The following TTN variants were observed in gnomAD, a reference collection of about 807,000 sequenced individuals.
The protein encoded by TTN is connectin.
TTN carries 1,525 observed loss-of-function variants against 3,223.0 expected under a neutral mutation model. The ratio of observed to expected loss-of-function variants is 0.47; its 90% confidence interval spans 0.45 to 0.49. TTN has a LOEUF of 0.49. Ranked by LOEUF, TTN falls within the 20% of genes least tolerant of loss-of-function variation. The pLI, the probability that TTN is intolerant of heterozygous loss-of-function variation, is 0.00. For missense variants in TTN, 40,786 were observed against 43,424.0 expected (o/e 0.94, Z 5.40); for synonymous variants, 14,094 against 15,161.0 (o/e 0.93, Z 5.17).
At chr2:178,786,239 C>G (rs191470377) in intron 13 of TTN, 98 bp from the exon 14 acceptor site, 5 of 1,280,016 alleles carry the variant, frequency 3.9e-6, no homozygotes, top group Non-Finnish European at 4.4e-6. Flanking sequence ...CCACATTATA[C>G]AGCAGTGTTA....
intron 307 of TTN, 113 bp downstream of exon 307, chr2:178,587,005 T>A: frequency 7.0e-7 from 1 of 1,427,350 alleles, no homozygotes; most frequent in Non-Finnish European, 9.7e-7. Context: ...TTACACTATT[T>A]CGGTCTCTAC....
chr2:178,712,158 TAG>T lies in TTN; in HGVS notation c.27670_27671del (p.Leu9224ThrfsTer9). 1 of 1,613,796 alleles carries T rather than the reference TAG, an allele frequency of 6.2e-7. No individual in the cohort carries two copies. The highest frequency in any genetic ancestry group is 1.7e-4 in the Middle Eastern group (1 of 6,060). ...CAGGGGTTCCAGCAAGCTGGCATTGTAGAGAGGCAGAATCTCCAACAGACACC... is the reference window on the plus strand; with the variant it reads ...CAGGGGTTCCAGCAAGCTGGCATTGTAGAGGCAGAATCTCCAACAGACACC... ...VKVSVGDSAS[L>X]QCQLAGTPEI... On this transcript the variant is annotated frameshift_variant, in exon 96 of 363. Coordinates refer to ENST00000589042, the MANE Select transcript of TTN (RefSeq NM_001267550.2). LOFTEE classifies it high-confidence loss of function.
chr2:178,651,158 G>T (rs762661430), intron 208 of TTN, 85 bp downstream of exon 208: 5 of 1,109,598 alleles, frequency 4.5e-6, no homozygotes, highest in East Asian at 4.8e-5. Flanking sequence ...AATTTAAGAG[G>T]ACTCGCAAAC....
Position 178,614,391 on chromosome 2 carries a change from A to AT in TTN, c.49049-44dup, listed in dbSNP as rs200669885. The AT allele has an allele frequency of 0.026, 40,514 of 1,577,176 alleles. 725 individuals are homozygous for AT. Among genetic ancestry groups the AT allele is most frequent in the East Asian group, 0.093 (4,125 of 44,322 alleles). ...GATGCAGAAAAAAAAATTGTTCACC[A>AT]TTTTTTTTATTTTTTTCTTTCAAGA... On this transcript the variant is annotated intron_variant, in intron 261 of 362. Transcript: ENST00000589042.
chr2:178,718,351 T>C lies in TTN; in HGVS notation c.24755A>G (p.Asp8252Gly), dbSNP rs762054067. 6.2e-7 allele frequency: 1 copy of C among 1,613,696 alleles called. No individual in the cohort carries two copies. Among genetic ancestry groups the C allele is most frequent in the East Asian group, 2.2e-5 (1 of 44,860 alleles). Residue 8252 changes from aspartate to glycine, a missense_variant, in exon 85 of 363, where the codon GAT becomes GGT. By Grantham distance (94) the Asp-to-Gly change is moderately conservative. Transcript: ENST00000589042. The part of the protein sequence containing the change: ...SCLIENEAGQ[D>G]ICEALVSVLE... ...GACAGACACCAGAGCTTCACAGATA[T>C]CTTGACCAGCCTCATTTTCTATCAG...
In TTN at chr2:178,585,068, T is replaced by C; in HGVS notation, c.64672+4A>G. ...GATGGCCATTTGTCTAATACTTAACTTACCCATGACTACAACTTTGATTTT... is the reference window on the plus strand; with the variant it reads ...GATGGCCATTTGTCTAATACTTAACCTACCCATGACTACAACTTTGATTTT... On this transcript the variant is annotated splice_donor_region_variant and intron_variant, in intron 309 of 362. Transcript: ENST00000589042. 6.2e-7 allele frequency: 1 copy of C among 1,605,312 alleles called. No homozygotes were observed. Among genetic ancestry groups the C allele is most frequent in the South Asian group, 1.1e-5 (1 of 89,338 alleles).
rs147812158 is a variant in TTN at position 178,804,576 on chromosome 2, C to T, written c.67G>A (p.Ala23Thr). Residue 23 changes from alanine to threonine, a missense_variant, in exon 2 of 363, where the codon GCA becomes ACA. Transcript: ENST00000589042. ...QSVVVLEGST[A>T]TFEAHISGFP... ...CCACTAATGTGAGCCTCAAAGGTTGCGGTACTACCCTCCAGTACCACAACG... is the reference window on the plus strand; with the variant it reads ...CCACTAATGTGAGCCTCAAAGGTTGTGGTACTACCCTCCAGTACCACAACG... 15 of 1,613,796 alleles carry T rather than the reference C, an allele frequency of 9.3e-6. No individual in the cohort carries two copies. The East Asian group carries it at 1.6e-4, about 17-fold the overall frequency.
At chr2:178,536,654 T>C in intron 356 of TTN, 79 bp from the exon 357 acceptor site, 2 of 1,247,798 alleles carry the variant, frequency 1.6e-6, no homozygotes, top group Non-Finnish European at 2.1e-6. Flanking sequence ...AAAAAGAATG[T>C]TATATGAGTC....
Position 178,566,748 on chromosome 2 carries a change from A to G in TTN, c.79384T>C (p.Ser26462Pro). 6.2e-7 allele frequency: 1 copy of G among 1,613,460 alleles called. No homozygotes were observed. The highest frequency in any genetic ancestry group is 8.5e-7 in the Non-Finnish European group (1 of 1,179,706). Residue 26462 changes from serine to proline, a missense_variant, in exon 326 of 363, where the codon TCT becomes CCT. Ser to Pro is a moderately conservative substitution (Grantham distance 74). Transcript: ENST00000589042. ...TEDHEYEFRV[S>P]AENAAGVGEP... ...CCAACTCCAGCAGCATTTTCTGCAG[A>G]GACCCTGAATTCATACTCATGATCT...
At position 178,734,559 on chromosome 2, in the gene TTN, C is replaced by T; in HGVS notation, c.15265G>A (p.Gly5089Arg). 2 of 1,601,792 alleles carry T rather than the reference C, an allele frequency of 1.2e-6. No individual in the cohort carries two copies. Among genetic ancestry groups the T allele is most frequent in the Non-Finnish European group, 1.7e-6 (2 of 1,172,878 alleles). Residue 5089 changes from glycine (G) to arginine (R), a missense_variant, in exon 52 of 363, where the codon GGA (glycine) becomes AGA (arginine). Gly to Arg is a moderately radical substitution (Grantham distance 125). Coordinates refer to ENST00000589042, the MANE Select transcript of TTN (RefSeq NM_001267550.2). ...TCACACTGAAGTAGAGCATTTGTTC[C>T]TCTCACTATGTCTGCAGGCTCAAGA... is the stretch of plus-strand genomic sequence containing the variant. Reference protein sequence around the residue: ...KTLEPADIVRGTNALLQCEVS... With the variant: ...KTLEPADIVRRTNALLQCEVS...
chr2:178,770,058 A>G lies in TTN; in HGVS notation c.8641+2T>C. On this transcript the variant is annotated splice_donor_variant, in intron 36 of 362. Transcript: ENST00000589042. LOFTEE classifies it high-confidence loss of function. ...GGCTGTAGGGGGCTGCCTGATACTT[A>G]CTCTCCACAAACAGTTTTGCTTTGC... The G allele has an allele frequency of 6.2e-7, 1 of 1,614,074 alleles. No homozygotes were observed. Among genetic ancestry groups the G allele is most frequent in the South Asian group, 1.1e-5 (1 of 91,074 alleles).
intron 115 of TTN, 146 bp downstream of exon 115, chr2:178,695,202 T>C (rs2073416142): frequency 3.3e-6 from 2 of 614,484 alleles, no homozygotes; most frequent in Non-Finnish European, 5.3e-6. Flanking sequence ...TAGATAGAAA[T>C]TTTAAGAAAA....
rs754893239 is a variant in TTN, at chr2:178,548,647, T to A, written c.92979A>T (p.Lys30993Asn). The A allele has an allele frequency of 1.2e-6, 2 of 1,613,894 alleles. No individual in the cohort carries two copies. Among genetic ancestry groups the A allele is most frequent in the East Asian group, 4.5e-5 (2 of 44,878 alleles). Residue 30993 changes from lysine (K) to asparagine (N), a missense_variant, in exon 339 of 363, where the codon AAA (lysine) becomes AAT (asparagine). By Grantham distance (94) the Lys-to-Asn change is moderately conservative (BLOSUM62 0). Coordinates refer to ENST00000589042, the MANE Select transcript of TTN (RefSeq NM_001267550.2). This position sits in a 1 kb window ranked among gnomAD's most constrained non-coding sequence, Gnocchi z 4.3. Reference sequence around the variant, plus strand: ...TGTTGTTTTCCACAGTAAGGGTATATTTCCCTGCATCATTTCTGTTGCAGT... The same window carrying A: ...TGTTGTTTTCCACAGTAAGGGTATAATTCCCTGCATCATTTCTGTTGCAGT... Reference protein sequence around the residue: ...VENCNRNDAGKYTLTVENNSG... With the variant: ...VENCNRNDAGNYTLTVENNSG...
In TTN at chr2:178,720,562, C is replaced by G; in HGVS notation, c.23200G>C (p.Val7734Leu). 1.2e-6 allele frequency: 2 copies of G among 1,613,434 alleles called. No homozygotes were observed. Among genetic ancestry groups the G allele is most frequent in the African/African-American group, 2.7e-5 (2 of 75,014 alleles). The change falls in exon 80 of 363, where the codon GTA becomes CTA. Residue 7734 changes from valine (V) to leucine (L), a missense_variant. By Grantham distance (32) the Val-to-Leu change is conservative. Transcript: ENST00000589042. ...ACCTGCTTTCGATCTTTAACCCATACTACTTCAAATGGGGGAGTTCCCGAA... is the reference window on the plus strand; with the variant it reads ...ACCTGCTTTCGATCTTTAACCCATAGTACTTCAAATGGGGGAGTTCCCGAA... ...EISGTPPFEVVWVKDRKQVRN... is the reference protein window; with the variant it reads ...EISGTPPFEVLWVKDRKQVRN...
rs768307125 is a variant in TTN at position 178,593,071 on chromosome 2, G to C, written c.59048C>G (p.Pro19683Arg). The C allele has an allele frequency of 3.4e-5, 55 of 1,612,306 alleles. No individual in the cohort carries two copies. Among genetic ancestry groups the C allele is most frequent in the Non-Finnish European group, 1.4e-5 (17 of 1,179,362 alleles). Residue 19683 changes from proline (P) to arginine (R), a missense_variant, in exon 300 of 363, where the codon CCA becomes CGA. Pro to Arg is a moderately radical substitution (Grantham distance 103). Coordinates refer to ENST00000589042, the MANE Select transcript of TTN (RefSeq NM_001267550.2). ...ATCTATTGCTTCAGGATTAACAGGTGGACTTGGTTTAGCTAAAAAATAAAA... is the reference window on the plus strand; with the variant it reads ...ATCTATTGCTTCAGGATTAACAGGTCGACTTGGTTTAGCTAAAAAATAAAA... ...FAKDPIAKPS[P>R]PVNPEAIDTT...
intron 67 of TTN, 82 bp downstream of exon 67, chr2:178,728,028 C>T: frequency 1.4e-6 from 2 of 1,444,828 alleles, no homozygotes; most frequent in Non-Finnish European, 1.8e-6. Flanking sequence ...GAGATTTTAG[C>T]TCTAAAGGAT....
At position 178,620,083 on chromosome 2, in the gene TTN, T is replaced by C; in HGVS notation, c.46334A>G (p.His15445Arg). 1 of 1,611,400 alleles carries C rather than the reference T, an allele frequency of 6.2e-7. No homozygotes were observed. The highest frequency in any genetic ancestry group is 8.5e-7 in the Non-Finnish European group (1 of 1,178,648). ...CCTGCAATCTTTTATAATGAGTCTG[T>C]GTATACTTCCATCTTTTTCAAATTT... is the stretch of plus-strand genomic sequence containing the variant. ...KYKFEKDGSI[H>R]RLIIKDCRLD... The change falls in exon 249 of 363, where the codon CAC (histidine) becomes CGC (arginine). Residue 15445 changes from histidine to arginine, a missense_variant. By Grantham distance (29) the His-to-Arg change is conservative. Transcript: ENST00000589042.
chr2:178,561,907 A>G lies in TTN; in HGVS notation c.84225T>C (p.Ser28075=), dbSNP rs753003337. The change falls in exon 326 of 363, where the codon TCT becomes TCC. Residue 28075 remains serine, a synonymous_variant. Transcript: ENST00000589042. ...DEVSCDSITI[S]WNPPEYDGGC... is the part of the protein sequence containing the mutation. ...CACCATCATATTCTGGAGGATTCCA[A>G]GAAATGGTTATGCTGTCACAACTAA... 5.0e-6 allele frequency: 8 copies of G among 1,613,508 alleles called. No individual in the cohort carries two copies. Among genetic ancestry groups the G allele is most frequent in the Non-Finnish European group, 6.8e-6 (8 of 1,179,738 alleles).
chr2:178,695,077 C>A (rs2154282208), intron 115 of TTN, among the ~76,000 whole-genome samples, 171 bp from the exon 116 acceptor site: 1 of 151,086 alleles, frequency 6.6e-6, no homozygotes, highest in South Asian at 2.1e-4. Flanking sequence ...TTTTCTTTGA[C>A]CTTTACGCAC....
Sources: allele counts gnomAD v4.1 joint callset (sites outside exome capture counted in the v4.1 genomes callset), GRCh38; gene constraint gnomAD v4.1.1; non-coding constraint Gnocchi (gnomAD v3.1); transcripts MANE v1.5; gene names NCBI Gene and HGNC (gene_info 2026-07-23, HGNC 2026-07-21).